Variants in PXMP2 observed in about 807,000 individuals in gnomAD.
PXMP2 encodes 22 kDa peroxisomal membrane protein.
In PXMP2, 13 loss-of-function variants were observed where a neutral mutation model predicts 20.2. The ratio of observed to expected loss-of-function variants is 0.64; its 90% CI spans 0.42 to 1.02. The LOEUF (loss-of-function observed/expected upper bound fraction) is 1.02. PXMP2 is among the 50% of genes least tolerant of loss of function. The pLI is 0.00. For synonymous variants in PXMP2, 113 were observed against 111.2 expected (o/e 1.02, Z -0.10); for missense variants, 284 against 251.8 (o/e 1.13, Z -0.87).
chr12:132,693,790 TTA>T (rs2043388944), intron 2 of PXMP2, among the ~76,000 whole-genome samples: 1 of 101,090 alleles, frequency 9.9e-6, no homozygotes. Context: ...TGCCAGTTAG[TTA>T]GTTAGCTCCC....
chr12:132,704,261 T>A (rs1288388266), intron 4 of PXMP2, among the ~76,000 whole-genome samples: 3 of 152,002 alleles, frequency 2.0e-5, no homozygotes, highest in African/African-American at 7.3e-5. Context: ...GTCAGCTGTG[T>A]CCCCTGAGGA....
At chr12:132,693,706 T>C (rs1472960327) in intron 2 of PXMP2, among the ~76,000 whole-genome samples, 1 of 103,776 alleles carries the variant, frequency 9.6e-6, no homozygotes, top group Non-Finnish European at 2.2e-5. Context: ...TGAGCTCCCT[T>C]AGCCAGTTAG....
At chr12:132,700,848 CTTTTTT>C (rs544795992) in intron 3 of PXMP2, among the ~76,000 whole-genome samples, 2 of 140,068 alleles carry the variant, frequency 1.4e-5, no homozygotes, top group Non-Finnish European at 3.1e-5. Context: ...TACTGGAGTC[CTTTTTT>C]TTTTTTTTTC....
In PXMP2 at chr12:132,704,721, C is replaced by T. The variant is rs768484537; in HGVS notation, c.*34C>T. On this transcript the variant is annotated 3_prime_UTR_variant, in exon 5 of 5. Transcript: ENST00000317479. ...GGGAGAACATCAGGTGCACTGTGGA[C>T]GTGGGTCTGGGGGTCTCACCCGCCC... 9.4e-6 allele frequency: 15 copies of T among 1,588,232 alleles called. No individual in the cohort carries two copies. Among genetic ancestry groups the T allele is most frequent in the Admixed American group, 7.0e-5 (4 of 56,772 alleles).
chr12:132,695,314 CTAGT>C (rs1412027272), intron 2 of PXMP2, among the ~76,000 whole-genome samples: 1 of 149,816 alleles, frequency 6.7e-6, no homozygotes, highest in African/African-American at 2.5e-5. Context: ...GTTTGTTAGC[CTAGT>C]GAGTGCCCTT....
At position 132,704,963 on chromosome 12, in the gene PXMP2, A is replaced by T; in HGVS notation, c.*276A>T. The stretch of plus-strand genomic sequence containing the variant: ...CTGTGGACCGAATTAGGATCACAAT[A>T]AACGATAATGCAGGTTCTTCAATGG... On this transcript the variant is annotated 3_prime_UTR_variant, in exon 5 of 5. Coordinates refer to ENST00000317479, the MANE Select transcript of PXMP2 (RefSeq NM_018663.3). 1 of 531,306 alleles carries T rather than the reference A, an allele frequency of 1.9e-6. No homozygotes were observed. The highest frequency in any genetic ancestry group is 3.9e-5 in the Admixed American group (1 of 25,906). 32.9% of individuals were successfully genotyped at this position (531,306 alleles called of 1,614,324 possible). A position where few individuals can be genotyped will look rare whatever the true frequency, so the allele number is the denominator to read the frequency against.
At chr12:132,697,063 G>C (rs1239912155) in intron 3 of PXMP2, among the ~76,000 whole-genome samples, 2 of 152,142 alleles carry the variant, frequency 1.3e-5, no homozygotes, top group Admixed American at 6.6e-5. Flanking sequence ...CAAGGCCAGT[G>C]GATAGCTTGA....
chr12:132,691,205 C>T (rs753234327), intron 2 of PXMP2, among the ~76,000 whole-genome samples: 14 of 152,168 alleles, frequency 9.2e-5, no homozygotes, highest in Non-Finnish European at 2.1e-4. Flanking sequence ...GCACCTGCCA[C>T]CACGCCCGGC....
intron 4 of PXMP2, among the ~76,000 whole-genome samples, chr12:132,702,855 G>A (rs1024899260): frequency 1.3e-5 from 2 of 152,200 alleles, no homozygotes; most frequent in African/African-American, 4.8e-5. Flanking sequence ...AAAGGACCAG[G>A]GTGACCCCCG....
chr12:132,704,963 A>C lies in PXMP2; in HGVS notation c.*276A>C, dbSNP rs1279032618. 1.5e-5 allele frequency: 8 copies of C among 531,306 alleles called. No individual in the cohort carries two copies. The Middle Eastern group carries it at 8.1e-4, about 54-fold the overall frequency. The allele number at this position is 531,306 out of a possible 1,614,324, so 32.9% of individuals were successfully genotyped here. The stretch of plus-strand genomic sequence containing the variant: ...CTGTGGACCGAATTAGGATCACAAT[A>C]AACGATAATGCAGGTTCTTCAATGG... On this transcript the variant is annotated 3_prime_UTR_variant, in exon 5 of 5. Transcript: ENST00000317479.
intron 4 of PXMP2, chr12:132,702,361 G>A (rs1593110237): frequency 8.4e-6 from 2 of 237,444 alleles, no homozygotes; most frequent in East Asian, 3.0e-4. Flanking sequence ...TCAGATTGGG[G>A]CTGGGCTGGT....
chr12:132,702,939 C>T lies in PXMP2; in HGVS notation c.519+1570C>T, dbSNP rs552573075. Among the ~76,000 whole-genome samples, 6 of 152,282 alleles carry T rather than the reference C, an allele frequency of 3.9e-5. No homozygotes were observed. The East Asian group carries it at 1.2e-3, about 29-fold the overall frequency. ...AACACACCAAGAAGCAGCAGGAAAC[C>T]AGGGGTGCACACAGACAGGACAAAG... On this transcript the variant is annotated intron_variant, in intron 4 of 4. Transcript: ENST00000317479.
At chr12:132,698,862 A>C (rs1228192035) in intron 3 of PXMP2, among the ~76,000 whole-genome samples, 1 of 152,156 alleles carries the variant, frequency 6.6e-6, no homozygotes, top group African/African-American at 2.4e-5. Context: ...CCTGGCCTCA[A>C]GTGATATGCC....
At chr12:132,694,457 C>G in intron 2 of PXMP2, among the ~76,000 whole-genome samples, 1 of 83,170 alleles carries the variant, frequency 1.2e-5, no homozygotes, top group South Asian at 4.1e-4. Context: ...GCTCCCTTAG[C>G]CAGTTAGTGA....
rs1565994441 is a variant in PXMP2, at chr12:132,704,703, CA to C, written c.*17del. ...GGGGAAGTGACGACCGCTGGGAGAA[CA>C]TCAGGTGCACTGTGGACGTGGGTCT... On this transcript the variant is annotated 3_prime_UTR_variant, in exon 5 of 5. Coordinates refer to ENST00000317479, the MANE Select transcript of PXMP2 (RefSeq NM_018663.3). 1 of 1,582,828 alleles carries C rather than the reference CA, an allele frequency of 6.3e-7. No homozygotes were observed.
At chr12:132,702,569 G>A (rs1376621259) in intron 4 of PXMP2, 1 of 272,286 alleles carries the variant, frequency 3.7e-6, no homozygotes, top group Non-Finnish European at 7.5e-6. Context: ...CAGAAGGTAT[G>A]CCGCCCATCA....
chr12:132,696,955 A>G lies in PXMP2; in HGVS notation c.399+909A>G, dbSNP rs143413361. 8.9e-3 allele frequency among the ~76,000 whole-genome samples: 1,349 copies of G among 151,982 alleles called. 14 individuals carry two copies. Among genetic ancestry groups the G allele is most frequent in the African/African-American group, 0.031 (1,289 of 41,452 alleles). Reference sequence around the variant, plus strand: ...GTGCCACTGCACTCCAGTCTGGGCAACAGAGCAAGACTCTGCCTCAAAAAA... The same window carrying G: ...GTGCCACTGCACTCCAGTCTGGGCAGCAGAGCAAGACTCTGCCTCAAAAAA... On this transcript the variant is annotated intron_variant, in intron 3 of 4. Coordinates refer to ENST00000317479, the MANE Select transcript of PXMP2 (RefSeq NM_018663.3). This position sits in a 1 kb window ranked among gnomAD's most constrained non-coding sequence, Gnocchi z 4.4.
At chr12:132,690,595 G>A (rs957958904) in intron 2 of PXMP2, among the ~76,000 whole-genome samples, 5 of 151,610 alleles carry the variant, frequency 3.3e-5, no homozygotes, top group African/African-American at 1.2e-4. Context: ...TTTGGAGACA[G>A]AGTCTCACTC....
intron 2 of PXMP2, among the ~76,000 whole-genome samples, chr12:132,693,673 G>T (rs2043387665): frequency 7.6e-6 from 1 of 131,184 alleles, no homozygotes; most frequent in Admixed American, 7.6e-5. Context: ...GTTAGTTAGT[G>T]AGCGCCCTTG....
Sources: allele counts gnomAD v4.1 joint callset (sites outside exome capture counted in the v4.1 genomes callset), GRCh38; gene constraint gnomAD v4.1.1; non-coding constraint Gnocchi (gnomAD v3.1); transcripts MANE v1.5; gene names NCBI Gene and HGNC (gene_info 2026-07-23, HGNC 2026-07-21).